The following ATP2B2 variants were observed in gnomAD, a reference collection of about 807,000 sequenced individuals.
The protein encoded by ATP2B2 is ATPase plasma membrane Ca2+ transporting 2.
In ATP2B2, 15 loss-of-function variants were observed where a neutral mutation model predicts 120.0. That is an observed-to-expected ratio of 0.12 (90% CI 0.08 to 0.19). The LOEUF is 0.19. ATP2B2 is among the 10% of genes least tolerant of loss of function. ATP2B2 has a pLI of 1.00. For synonymous variants in ATP2B2, 694 were observed against 700.3 expected (o/e 0.99, Z 0.14); for missense variants, 1,045 against 1,719.8 (o/e 0.61, Z 6.94).
At chr3:10,686,410 T>C (rs1232466844) in intron 1 of ATP2B2, among the ~76,000 whole-genome samples, 1 of 152,142 alleles carries the variant, frequency 6.6e-6, no homozygotes, top group Non-Finnish European at 1.5e-5. Flanking sequence ...ATCCCAGCAC[T>C]TTGGGAGGCC....
rs563773277 is a variant in ATP2B2, at chr3:10,606,618, G to A, written c.-415+13299C>T. ...TCCTGTGGGTGGACGTGTGTGCAGCGGAGGTACACATGTGCATGCAGGGGA... is the reference window on the plus strand; with the variant it reads ...TCCTGTGGGTGGACGTGTGTGCAGCAGAGGTACACATGTGCATGCAGGGGA... On this transcript the variant is annotated intron_variant, in intron 2 of 21. Coordinates refer to the ATP2B2 transcript ENST00000646379. Among the ~76,000 whole-genome samples, 8 of 152,238 alleles carry A rather than the reference G, an allele frequency of 5.3e-5. No homozygotes were observed. The South Asian group carries it at 8.3e-4, about 16-fold the overall frequency.
intron 22 of ATP2B2, among the ~76,000 whole-genome samples, chr3:10,335,411 G>T (rs554947860): frequency 6.6e-6 from 1 of 152,190 alleles, no homozygotes; most frequent in African/African-American, 2.4e-5. Flanking sequence ...GACAGGAAGC[G>T]GGCAGAGACT....
chr3:10,512,464 G>GCGCGCACACACACACACA (rs749056818), intron 3 of ATP2B2, among the ~76,000 whole-genome samples: 7 of 137,024 alleles, frequency 5.1e-5, no homozygotes, highest in South Asian at 4.7e-4. Context: ...AAGTGTGTGC[G>GCGCGCACACACACACACA]CACACACACA....
In ATP2B2 at chr3:10,603,272, G is replaced by A. The variant is rs1476646945; in HGVS notation, c.-415+16645C>T. On this transcript the variant is annotated intron_variant, in intron 2 of 21. Transcript: ENST00000646379. ...CCGATGCCTCTAAAATGCCTAGCAC[G>A]GTGCCCGGTGTGTTTGGCAGATGCT... Among the ~76,000 whole-genome samples the A allele has an allele frequency of 5.3e-5, 8 of 152,188 alleles. No homozygotes were observed. The East Asian group carries it at 1.2e-3, about 22-fold the overall frequency.
chr3:10,663,133 C>T (rs1285895124), intron 1 of ATP2B2, among the ~76,000 whole-genome samples: 2 of 151,364 alleles, frequency 1.3e-5, no homozygotes, highest in African/African-American at 4.9e-5. Flanking sequence ...AGGAGATATA[C>T]CTAATGTAAA....
intron 2 of ATP2B2, among the ~76,000 whole-genome samples, chr3:10,610,562 T>C (rs1311165518): frequency 6.6e-6 from 1 of 152,210 alleles, no homozygotes; most frequent in African/African-American, 2.4e-5. Flanking sequence ...GGTTATGGAC[T>C]TCCGGGTAAA....
intron 12 of ATP2B2, among the ~76,000 whole-genome samples, chr3:10,366,816 G>A (rs80032656): frequency 1.3e-5 from 2 of 152,234 alleles, no homozygotes; most frequent in East Asian, 1.9e-4. Flanking sequence ...ACAAAGCACC[G>A]CAGACCACAA....
chr3:10,541,364 G>T (rs1026794333), intron 2 of ATP2B2, among the ~76,000 whole-genome samples: 3 of 151,990 alleles, frequency 2.0e-5, no homozygotes, highest in Non-Finnish European at 4.4e-5. Context: ...GGCTTAGATT[G>T]TTGATTTCAG....
At chr3:10,618,792 C>T (rs2125620849) in intron 2 of ATP2B2, among the ~76,000 whole-genome samples, 1 of 152,282 alleles carries the variant, frequency 6.6e-6, no homozygotes, top group South Asian at 2.1e-4. Flanking sequence ...GTGCTTATTA[C>T]ATAAAACTTA....
Position 10,342,852 on chromosome 3 carries a change from C to G in ATP2B2, c.2817G>C (p.Pro939=). The change falls in exon 19 of 23, where the codon CCG becomes CCC. Residue 939 remains proline (P), a synonymous_variant. Transcript: ENST00000360273. The surrounding 1 kb of genome is among the most constrained non-coding windows in gnomAD (Gnocchi z 4.4). ...AGATGAGCGGCTTGTTGCGGCCGTA[C>G]GGCTTCCTCAGCAGCAGGGTCTCCG... ...PPTETLLLRK[P]YGRNKPLISR... is the part of the protein sequence containing the mutation. The G allele has an allele frequency of 6.2e-7, 1 of 1,614,024 alleles. No homozygotes were observed. The highest frequency in any genetic ancestry group is 8.5e-7 in the Non-Finnish European group (1 of 1,179,952).
intron 1 of ATP2B2, among the ~76,000 whole-genome samples, chr3:10,471,376 G>GTGTGTGTGTA (rs2064990765): frequency 2.8e-5 from 2 of 72,010 alleles, no homozygotes; most frequent in Non-Finnish European, 5.0e-5. Flanking sequence ...GTGTGTGTGT[G>GTGTGTGTGTA]TGTGTGTGTG....
intron 2 of ATP2B2, among the ~76,000 whole-genome samples, chr3:10,570,814 A>C (rs2068106976): frequency 1.3e-5 from 2 of 152,164 alleles, no homozygotes; most frequent in South Asian, 2.1e-4. Context: ...ACTTCGCAGC[A>C]CCTCAACGCC....
intron 1 of ATP2B2, among the ~76,000 whole-genome samples, chr3:10,662,610 G>A (rs57364854): frequency 0.21 from 31,356 of 149,122 alleles, 5,617 homozygotes; most frequent in African/African-American, 0.49. Context: ...TGGAGAGGAT[G>A]TAGAGAAATA....
intron 8 of ATP2B2, among the ~76,000 whole-genome samples, chr3:10,380,189 C>A (rs2125543162): frequency 6.6e-6 from 1 of 152,338 alleles, no homozygotes; most frequent in Non-Finnish European, 1.5e-5. Flanking sequence ...CTGGGAGGCC[C>A]CCACTCCAGC....
intron 3 of ATP2B2, among the ~76,000 whole-genome samples, chr3:10,526,865 T>G (rs910379485): frequency 2.0e-5 from 3 of 152,110 alleles, no homozygotes; most frequent in Non-Finnish European, 4.4e-5. Flanking sequence ...ATGATAGTGA[T>G]GATGGTGGTG....
intron 3 of ATP2B2, among the ~76,000 whole-genome samples, chr3:10,404,391 C>T (rs933715654): frequency 2.0e-5 from 3 of 152,224 alleles, no homozygotes; most frequent in African/African-American, 7.2e-5. Context: ...ATCCCAGCTG[C>T]GCTAACTGCT....
rs2060002979 is a variant in ATP2B2 at position 10,332,316 on chromosome 3, G to A, written c.3421-3191C>T. 6 of 433,632 alleles carry A rather than the reference G, an allele frequency of 1.4e-5. No individual in the cohort carries two copies. The South Asian group carries it at 1.7e-4, about 12-fold the overall frequency. The allele number at this position is 433,632 out of a possible 1,614,324, so 26.9% of individuals were successfully genotyped here. A position where few individuals can be genotyped will look rare whatever the true frequency, so the allele number is the denominator to read the frequency against. The stretch of plus-strand genomic sequence containing the variant: ...GGTACGGCGTCCAGAATGTGGCTTG[G>A]ACCTGGCTTATGGGGCTGGCTCTTG... On this transcript the variant is annotated intron_variant, in intron 22 of 22. Transcript: ENST00000360273.
At chr3:10,607,592 C>T (rs901945986) in intron 2 of ATP2B2, among the ~76,000 whole-genome samples, 2 of 152,200 alleles carry the variant, frequency 1.3e-5, no homozygotes, top group Admixed American at 6.5e-5. Context: ...GCACAACCAA[C>T]CTGCTCAGTG....
intron 2 of ATP2B2, among the ~76,000 whole-genome samples, chr3:10,577,422 C>A (rs1451243095): frequency 6.6e-6 from 1 of 152,320 alleles, no homozygotes; most frequent in East Asian, 1.9e-4. Context: ...AGGAGCAGAG[C>A]TGGTATAGGA....
Sources: gnomAD v4.1 joint callset for allele counts (sites outside exome capture counted in the v4.1 genomes callset) on GRCh38, gnomAD v4.1.1 for gene constraint, Gnocchi (gnomAD v3.1) non-coding constraint, MANE v1.5 for transcripts, NCBI Gene and HGNC (gene_info 2026-07-23, HGNC 2026-07-21) for gene names.